CNTNAP2: variants seen among roughly 807,000 people sequenced by gnomAD.
CNTNAP2 encodes contactin-associated protein-like 2.
In CNTNAP2, 98 loss-of-function variants were observed where a neutral mutation model predicts 155.2. The observed-to-expected ratio is 0.63, with a 90% CI of 0.54 to 0.75. CNTNAP2 has a LOEUF of 0.75. CNTNAP2 is among the 30% of genes least tolerant of loss of function. The pLI, the probability that CNTNAP2 is intolerant of heterozygous loss-of-function variation, is 0.00. For missense variants in CNTNAP2, 1,727 were observed against 1,688.1 expected (o/e 1.02, Z -0.40); for synonymous variants, 651 against 631.2 (o/e 1.03, Z -0.47).
intron 15 of CNTNAP2, among the ~76,000 whole-genome samples, chr7:148,074,826 A>C (rs1803453858): frequency 6.6e-6 from 1 of 152,214 alleles, no homozygotes; most frequent in African/African-American, 2.4e-5. Flanking sequence ...GGCCAATGAC[A>C]CACAGTAGAT....
chr7:148,036,282 A>G (rs1217112246), intron 15 of CNTNAP2, among the ~76,000 whole-genome samples: 1 of 152,152 alleles, frequency 6.6e-6, no homozygotes, highest in African/African-American at 2.4e-5. Flanking sequence ...CCAGGGATGA[A>G]ATGCTATAAT....
chr7:148,038,542 G>A (rs1224149100), intron 15 of CNTNAP2, among the ~76,000 whole-genome samples: 3 of 151,962 alleles, frequency 2.0e-5, no homozygotes, highest in Admixed American at 1.3e-4. Flanking sequence ...TGCCATTTCT[G>A]TTTCTGTTTC....
At chr7:147,883,507 A>G (rs1311616844) in intron 13 of CNTNAP2, among the ~76,000 whole-genome samples, 5 of 152,198 alleles carry the variant, frequency 3.3e-5, no homozygotes, top group Non-Finnish European at 7.3e-5. Flanking sequence ...ATGAACACCA[A>G]TACAGATTCT....
intron 3 of CNTNAP2, among the ~76,000 whole-genome samples, chr7:146,842,106 T>G (rs1803739183): frequency 1.3e-5 from 2 of 151,898 alleles, no homozygotes; most frequent in Admixed American, 6.6e-5. Flanking sequence ...AGTCTGCTCT[T>G]GAATTCCTGA....
chr7:146,579,248 T>A (rs11981917), intron 1 of CNTNAP2, among the ~76,000 whole-genome samples: 4,600 of 152,256 alleles, frequency 0.03, 247 homozygotes, highest in African/African-American at 0.1. Flanking sequence ...AGTATTTTTT[T>A]AATTAAGTCT....
intron 8 of CNTNAP2, among the ~76,000 whole-genome samples, chr7:147,203,327 C>T (rs937449506): frequency 6.6e-6 from 1 of 152,112 alleles, no homozygotes; most frequent in African/African-American, 2.4e-5. Flanking sequence ...TCACTGCAAA[C>T]TCGGCCTCCC....
intron 13 of CNTNAP2, among the ~76,000 whole-genome samples, chr7:147,731,598 A>T (rs894693377): frequency 3.9e-5 from 6 of 152,154 alleles, no homozygotes. Context: ...GTTTTCATGC[A>T]TGCTAACACA....
intron 3 of CNTNAP2, among the ~76,000 whole-genome samples, chr7:146,890,991 T>A (rs2129211455): frequency 6.6e-6 from 1 of 152,292 alleles, no homozygotes; most frequent in Non-Finnish European, 1.5e-5. Context: ...TCAACCCAGG[T>A]GCCCATCAAT....
chr7:146,463,398 G>A (rs961756214), intron 1 of CNTNAP2, among the ~76,000 whole-genome samples: 1 of 151,852 alleles, frequency 6.6e-6, no homozygotes, highest in Non-Finnish European at 1.5e-5. Context: ...TCTAAGCAAA[G>A]GTAATCTACT....
chr7:146,913,684 C>T (rs1410417270), intron 3 of CNTNAP2, among the ~76,000 whole-genome samples: 1 of 151,954 alleles, frequency 6.6e-6, no homozygotes, highest in East Asian at 1.9e-4. Flanking sequence ...ATGACTTCAT[C>T]TAAACCCTAT....
chr7:147,349,020 A>C (rs1321203733), intron 9 of CNTNAP2, among the ~76,000 whole-genome samples: 2 of 151,990 alleles, frequency 1.3e-5, no homozygotes, highest in Admixed American at 1.3e-4. Context: ...AAAATTTGCT[A>C]AAGGATACAA....
At chr7:147,350,042 T>C (rs368007703) in intron 9 of CNTNAP2, among the ~76,000 whole-genome samples, 18 of 152,058 alleles carry the variant, frequency 1.2e-4, no homozygotes, top group South Asian at 1.0e-3. Context: ...ATAACATCAT[T>C]CCTGTTATGT....
intron 12 of CNTNAP2, among the ~76,000 whole-genome samples, chr7:147,570,931 C>A (rs1469467510): frequency 2.6e-5 from 4 of 152,158 alleles, no homozygotes; most frequent in East Asian, 1.9e-4. Flanking sequence ...TTATTCAAAT[C>A]TCTTCATTAT....
chr7:146,904,085 C>CTT (rs1344192215), intron 3 of CNTNAP2, among the ~76,000 whole-genome samples: 1 of 152,140 alleles, frequency 6.6e-6, no homozygotes, highest in Non-Finnish European at 1.5e-5. Context: ...TTCCATGTTA[C>CTT]TTATTAAATA....
At chr7:148,258,458 G>A (rs1585222499) in intron 20 of CNTNAP2, among the ~76,000 whole-genome samples, 2 of 152,160 alleles carry the variant, frequency 1.3e-5, no homozygotes, top group African/African-American at 2.4e-5. Context: ...TTGATACTGG[G>A]GTCAAGGCCT....
At chr7:146,683,904 C>T (rs1211964198) in intron 1 of CNTNAP2, among the ~76,000 whole-genome samples, 5 of 151,954 alleles carry the variant, frequency 3.3e-5, no homozygotes, top group South Asian at 2.1e-4. Context: ...GACACTTTGA[C>T]GATTTGTGAG....
At chr7:146,575,728 C>T (rs1798514307) in intron 1 of CNTNAP2, among the ~76,000 whole-genome samples, 1 of 152,136 alleles carries the variant, frequency 6.6e-6, no homozygotes, top group South Asian at 2.1e-4. Context: ...AATTTTATTA[C>T]CAATGTCTCT....
intron 9 of CNTNAP2, among the ~76,000 whole-genome samples, chr7:147,340,691 A>T (rs989575341): frequency 2.6e-5 from 4 of 152,196 alleles, no homozygotes. Context: ...CTGTCATTGT[A>T]ACAAATAATG....
chr7:146,241,617 A>T (rs1212890533), intron 1 of CNTNAP2, among the ~76,000 whole-genome samples: 2 of 151,368 alleles, frequency 1.3e-5, no homozygotes, highest in Non-Finnish European at 2.9e-5. Flanking sequence ...CATTTTTTTT[A>T]GAAAGACAGC....
Sources: gnomAD v4.1 joint callset for allele counts (sites outside exome capture counted in the v4.1 genomes callset) on GRCh38, gnomAD v4.1.1 for gene constraint, MANE v1.5 for transcripts, NCBI Gene and HGNC (gene_info 2026-07-23, HGNC 2026-07-21) for gene names.